LHFPL6: variants seen among roughly 807,000 people sequenced by gnomAD.
The protein encoded by LHFPL6 is LHFPL tetraspan subfamily member 6 protein.
Under a neutral mutation model 20.6 loss-of-function variants are expected in LHFPL6, and 9 were observed. That is an observed-to-expected ratio of 0.44 (90% CI 0.26 to 0.76). The LOEUF (loss-of-function observed/expected upper bound fraction) is 0.76, where lower values mean the gene tolerates loss of function less well. Among genes scored for constraint, LHFPL6 ranks in the 30% least tolerant of loss-of-function variants. LHFPL6 has a pLI of 0.20. For missense variants in LHFPL6, 218 were observed against 253.5 expected, an observed-to-expected ratio of 0.86 and a Z score of 0.95; for synonymous variants, 105 against 98.7, an observed-to-expected ratio of 1.06 and a Z score of -0.38.
chr13:39,458,652 GC>G (rs1335737346), intron 2 of LHFPL6, among the ~76,000 whole-genome samples: 1 of 150,520 alleles, frequency 6.6e-6, no homozygotes, highest in East Asian at 2.0e-4. Flanking sequence ...CCGTGATTGT[GC>G]CACTGCACTC....
At chr13:39,391,917 T>C (rs1463120634) in intron 2 of LHFPL6, among the ~76,000 whole-genome samples, 1 of 152,242 alleles carries the variant, frequency 6.6e-6, no homozygotes, top group Non-Finnish European at 1.5e-5. Flanking sequence ...GACAGCAGTA[T>C]GGAAGCAATT....
intron 2 of LHFPL6, among the ~76,000 whole-genome samples, chr13:39,578,765 T>C (rs535440154): frequency 1.6e-4 from 25 of 152,260 alleles, no homozygotes; most frequent in African/African-American, 5.5e-4. Flanking sequence ...CTGTGGTAGA[T>C]GGTGCTCTCC....
In LHFPL6 at chr13:39,343,479, A is replaced by AACATCTT. The variant is rs1313941455; in HGVS notation, c.*450_*456dup. 4.3e-6 allele frequency: 1 copy of AACATCTT among 232,836 alleles called. No individual in the cohort carries two copies. The highest frequency in any genetic ancestry group is 8.5e-6 in the Non-Finnish European group (1 of 117,860). 14.4% of individuals were successfully genotyped at this position (232,836 alleles called of 1,614,324 possible). On this transcript the variant is annotated 3_prime_UTR_variant, in exon 4 of 4. Coordinates refer to ENST00000379589, the MANE Select transcript of LHFPL6 (RefSeq NM_005780.3). ...TTTGGGAGTGCCGTGACCTACAGGG[A>AACATCTT]ACATCTTTGGGGGTACCCTGCTTCC...
At chr13:39,449,968 A>T (rs1872398422) in intron 2 of LHFPL6, among the ~76,000 whole-genome samples, 1 of 152,166 alleles carries the variant, frequency 6.6e-6, no homozygotes, top group Non-Finnish European at 1.5e-5. Flanking sequence ...TGACAATCTC[A>T]TATATTTGGA....
In LHFPL6 at chr13:39,545,213, T is replaced by C. The variant is rs186709993; in HGVS notation, c.385+55619A>G. 2.4e-3 allele frequency among the ~76,000 whole-genome samples: 302 copies of C among 127,508 alleles called. 2 individuals carry two copies. The highest frequency in any genetic ancestry group is 8.3e-3 in the African/African-American group (271 of 32,552). The allele number at this position is 127,508 out of a possible 152,430, so 83.7% of individuals were successfully genotyped here. Reference sequence around the variant, plus strand: ...GTGAGCCGAGATCACACCACTGCACTCCAGCCTGGGTGACAGAGCGAGACT... The same window carrying C: ...GTGAGCCGAGATCACACCACTGCACCCCAGCCTGGGTGACAGAGCGAGACT... On this transcript the variant is annotated intron_variant, in intron 2 of 3. Coordinates refer to ENST00000379589, the MANE Select transcript of LHFPL6 (RefSeq NM_005780.3).
chr13:39,441,091 C>A (rs1872114683), intron 2 of LHFPL6, among the ~76,000 whole-genome samples: 1 of 151,336 alleles, frequency 6.6e-6, no homozygotes, highest in Admixed American at 6.6e-5. Flanking sequence ...CTAATACAAG[C>A]CTCCCAAGTA....
intron 2 of LHFPL6, among the ~76,000 whole-genome samples, chr13:39,545,245 CAA>C (rs35606384): frequency 3.0e-3 from 203 of 67,930 alleles, no homozygotes; most frequent in African/African-American, 0.012. Context: ...GACTCCGTCT[CAA>C]AAAAAAAAAA....
At chr13:39,413,975 A>G (rs779340254) in intron 2 of LHFPL6, among the ~76,000 whole-genome samples, 9 of 152,206 alleles carry the variant, frequency 5.9e-5, no homozygotes, top group Non-Finnish European at 1.2e-4. Context: ...AGACTCATCC[A>G]TAGTGATGAG....
chr13:39,379,775 A>G (rs1870390421), intron 2 of LHFPL6, among the ~76,000 whole-genome samples: 2 of 152,184 alleles, frequency 1.3e-5, no homozygotes, highest in South Asian at 4.1e-4. Context: ...CCCCACACCC[A>G]TCCTGATACA....
intron 2 of LHFPL6, among the ~76,000 whole-genome samples, chr13:39,491,142 G>A (rs1868912330): frequency 6.6e-6 from 1 of 152,200 alleles, no homozygotes. Context: ...TTTGCAAGAA[G>A]TACAAGGCAA....
chr13:39,346,013 G>A (rs572685011), intron 3 of LHFPL6, among the ~76,000 whole-genome samples: 71 of 152,206 alleles, frequency 4.7e-4, no homozygotes, highest in African/African-American at 1.7e-3. Flanking sequence ...TGCTCACCGC[G>A]GAACACAGCC....
chr13:39,498,462 C>T (rs1352428128), intron 2 of LHFPL6, among the ~76,000 whole-genome samples: 1 of 152,162 alleles, frequency 6.6e-6, no homozygotes, highest in Non-Finnish European at 1.5e-5. Flanking sequence ...GTATCAGGAT[C>T]CTTTTTAATT....
At chr13:39,566,021 T>A (rs1353025101) in intron 2 of LHFPL6, among the ~76,000 whole-genome samples, 1 of 152,246 alleles carries the variant, frequency 6.6e-6, no homozygotes, top group East Asian at 1.9e-4. Flanking sequence ...CCCTAGGATC[T>A]ATCTGAAACA....
chr13:39,533,515 T>C (rs773523027), intron 2 of LHFPL6, among the ~76,000 whole-genome samples: 2 of 152,126 alleles, frequency 1.3e-5, no homozygotes, highest in African/African-American at 4.8e-5. Flanking sequence ...TGACCAGAAC[T>C]TGGTTAGCTA....
At chr13:39,482,498 G>A (rs1437686189) in intron 2 of LHFPL6, among the ~76,000 whole-genome samples, 2 of 152,010 alleles carry the variant, frequency 1.3e-5, no homozygotes, top group Non-Finnish European at 2.9e-5. Flanking sequence ...GTCAAGCACA[G>A]GAAGATAAGA....
At position 39,441,976 on chromosome 13, in the gene LHFPL6, T is replaced by C. The variant is rs1371493841; in HGVS notation, c.386-63450A>G. 3.9e-5 allele frequency among the ~76,000 whole-genome samples: 6 copies of C among 152,022 alleles called. No homozygotes were observed. The East Asian group carries it at 9.7e-4, about 25-fold the overall frequency. On this transcript the variant is annotated intron_variant, in intron 2 of 3. Coordinates refer to ENST00000379589, the MANE Select transcript of LHFPL6 (RefSeq NM_005780.3). ...TCCCAAGTAGCTGGGATTACAGGCA[T>C]GCACCACCACGCCTGGCTAATTTTG...
At chr13:39,562,105 G>T (rs1871501529) in intron 2 of LHFPL6, among the ~76,000 whole-genome samples, 1 of 152,064 alleles carries the variant, frequency 6.6e-6, no homozygotes, top group East Asian at 1.9e-4. Context: ...TTTAGCATAA[G>T]AATATTGCCC....
At chr13:39,544,788 T>A (rs1378892321) in intron 2 of LHFPL6, among the ~76,000 whole-genome samples, 1 of 152,128 alleles carries the variant, frequency 6.6e-6, no homozygotes, top group Non-Finnish European at 1.5e-5. Context: ...TGGCAAAAAC[T>A]GTTACAGTAC....
intron 2 of LHFPL6, among the ~76,000 whole-genome samples, chr13:39,479,127 A>ATCTG (rs1459068589): frequency 2.3e-5 from 3 of 129,350 alleles, no homozygotes; most frequent in African/African-American, 7.7e-5. Flanking sequence ...CCATCTATCT[A>ATCTG]TCTATCTATC....
Sources: gnomAD v4.1 joint callset for allele counts (sites outside exome capture counted in the v4.1 genomes callset) on GRCh38, gnomAD v4.1.1 for gene constraint, MANE v1.5 for transcripts, NCBI Gene and HGNC (gene_info 2026-07-23, HGNC 2026-07-21) for gene names.